OR2AE1: variants seen among roughly 807,000 people sequenced by gnomAD.
The protein encoded by OR2AE1 is olfactory receptor 2AE1.
For missense variants in OR2AE1, 400 were observed against 395.6 expected (o/e 1.01, Z -0.09); for synonymous variants, 159 against 153.6 (o/e 1.04, Z -0.26).
Position 99,876,888 on chromosome 7 carries a change from A to C in OR2AE1, c.146T>G (p.Ile49Ser). 1 of 1,614,104 alleles carries C rather than the reference A, an allele frequency of 6.2e-7. No homozygotes were observed. Among genetic ancestry groups the C allele is most frequent in the Non-Finnish European group, 8.5e-7 (1 of 1,180,004 alleles). ...TGTATGAAGCTGGGGATCAATGCAG[A>C]TGAGGAGAATGGTGAGGGTGTTGCC... is the stretch of plus-strand genomic sequence containing the variant. ...VSGNTLTILL[I>S]CIDPQLHTPM... Residue 49 changes from isoleucine (I) to serine (S), a missense_variant, in exon 1 of 1, where the codon ATC (isoleucine) becomes AGC (serine). Ile to Ser is a moderately radical substitution (Grantham distance 142, BLOSUM62 -2). Coordinates refer to ENST00000316368, the MANE Select transcript of OR2AE1 (RefSeq NM_001005276.1).
Position 99,876,834 on chromosome 7 carries a change from G to A in OR2AE1, c.200C>T (p.Ser67Phe). ...GGAGACATGCATCAGATCCATGAGGGAGAGCTGGCTGAGCAGGAAATACAT... is the reference window on the plus strand; with the variant it reads ...GGAGACATGCATCAGATCCATGAGGAAGAGCTGGCTGAGCAGGAAATACAT... Reference protein sequence around the residue: ...TPMYFLLSQLSLMDLMHVSTI... With the variant: ...TPMYFLLSQLFLMDLMHVSTI... Residue 67 changes from serine to phenylalanine, a missense_variant, in exon 1 of 1, where the codon TCC becomes TTC. Transcript: ENST00000316368. 6 of 1,614,090 alleles carry A rather than the reference G, an allele frequency of 3.7e-6. No individual in the cohort carries two copies. Among genetic ancestry groups the A allele is most frequent in the Non-Finnish European group, 5.1e-6 (6 of 1,179,970 alleles).
rs535487871 is a variant in OR2AE1 at position 99,876,471 on chromosome 7, A to G, written c.563T>C (p.Val188Ala). 25 of 1,614,220 alleles carry G rather than the reference A, an allele frequency of 1.5e-5. No individual in the cohort carries two copies. The South Asian group carries it at 2.3e-4, about 15-fold the overall frequency. ...CTCATACACAGTGATGTCGCCACAT[A>G]CCAACTTCACAACAGCTGGGAACTC... ...YCEFPAVVKL[V>A]CGDITVYETT... Residue 188 changes from valine (V) to alanine (A), a missense_variant, in exon 1 of 1, where the codon GTA becomes GCA. Physicochemically the swap from Val to Ala is moderately conservative, Grantham distance 64. Coordinates refer to ENST00000316368, the MANE Select transcript of OR2AE1 (RefSeq NM_001005276.1).
In OR2AE1 at chr7:99,876,156, T is replaced by C. The variant is rs1818617656; in HGVS notation, c.878A>G (p.Asn293Ser). 1 of 1,614,192 alleles carries C rather than the reference T, an allele frequency of 6.2e-7. No individual in the cohort carries two copies. Among genetic ancestry groups the C allele is most frequent in the Middle Eastern group, 1.6e-4 (1 of 6,062 alleles). Residue 293 changes from asparagine (N) to serine (S), a missense_variant, in exon 1 of 1, where the codon AAT (asparagine) becomes AGT (serine). Physicochemically the swap from Asn to Ser is conservative, Grantham distance 46 (BLOSUM62 1). Transcript: ENST00000316368. ...TCTCAGAGCCTTAGCTACATCTTTATTCCGGAGAGTATAAATCAGAGAATT... is the reference window on the plus strand; with the variant it reads ...TCTCAGAGCCTTAGCTACATCTTTACTCCGGAGAGTATAAATCAGAGAATT... ...TLNSLIYTLR[N>S]KDVAKALRRV...
rs771096512 is a variant in OR2AE1 at position 99,876,852 on chromosome 7, A to C, written c.182T>G (p.Phe61Cys). The change falls in exon 1 of 1, where the codon TTC becomes TGC. Residue 61 changes from phenylalanine (F) to cysteine (C), a missense_variant. Transcript: ENST00000316368. Reference protein sequence around the residue: ...IDPQLHTPMYFLLSQLSLMDL... With the variant: ...IDPQLHTPMYCLLSQLSLMDL... ...CATGAGGGAGAGCTGGCTGAGCAGG[A>C]AATACATTGGTGTATGAAGCTGGGG... 6.2e-7 allele frequency: 1 copy of C among 1,614,112 alleles called. No homozygotes were observed. Among genetic ancestry groups the C allele is most frequent in the Non-Finnish European group, 8.5e-7 (1 of 1,179,986 alleles).
chr7:99,876,925 TAAGGAAGACCACCATGGTCAAGGAGAA>T lies in OR2AE1; in HGVS notation c.82_108del (p.Phe28_Leu36del). On this transcript the variant is annotated inframe_deletion, in exon 1 of 1. Coordinates refer to ENST00000316368, the MANE Select transcript of OR2AE1 (RefSeq NM_001005276.1). ...GTGAGGGTGTTGCCACTCACCGCAA[TAAGGAAGACCACCATGGTCAAGGAGAA>T]AAGGAAAAGGTGGGTAAGGGAGTCA... 6.2e-7 allele frequency: 1 copy of T among 1,613,952 alleles called. No homozygotes were observed. Among genetic ancestry groups the T allele is most frequent in the Non-Finnish European group, 8.5e-7 (1 of 1,179,974 alleles).
In OR2AE1 at chr7:99,876,213, G is replaced by A. The variant is rs767732738; in HGVS notation, c.821C>T (p.Ser274Phe). 7 of 1,614,194 alleles carry A rather than the reference G, an allele frequency of 4.3e-6. No individual in the cohort carries two copies. Among genetic ancestry groups the A allele is most frequent in the Non-Finnish European group, 5.9e-6 (7 of 1,180,024 alleles). ...QCTLLQNKVG[S>F]VFYSIITPTL... is the part of the protein sequence containing the mutation. ...GGGCGTAATGATGCTGTAGAACACA[G>A]AACCAACTTTGTTCTGCAATAGAGT... Residue 274 changes from serine to phenylalanine, a missense_variant, in exon 1 of 1, where the codon TCT becomes TTT. Physicochemically the swap from Ser to Phe is radical, Grantham distance 155. Coordinates refer to ENST00000316368, the MANE Select transcript of OR2AE1 (RefSeq NM_001005276.1).
At position 99,876,463 on chromosome 7, in the gene OR2AE1, C is replaced by G; in HGVS notation, c.571G>C (p.Asp191His). 6.2e-7 allele frequency: 1 copy of G among 1,614,146 alleles called. No homozygotes were observed. Among genetic ancestry groups the G allele is most frequent in the Non-Finnish European group, 8.5e-7 (1 of 1,180,020 alleles). Residue 191 changes from aspartate (D) to histidine (H), a missense_variant, in exon 1 of 1, where the codon GAC becomes CAC. Asp to His is a moderately conservative substitution (Grantham distance 81). Transcript: ENST00000316368. ...FPAVVKLVCGDITVYETTVYI... is the reference protein window; with the variant it reads ...FPAVVKLVCGHITVYETTVYI... ...ACTGTGGTCTCATACACAGTGATGT[C>G]GCCACATACCAACTTCACAACAGCT... is the stretch of plus-strand genomic sequence containing the variant.
Position 99,876,070 on chromosome 7 carries a change from G to T in OR2AE1, c.964C>A (p.Arg322=). 1.3e-6 allele frequency: 2 copies of T among 1,588,210 alleles called. No homozygotes were observed. Among genetic ancestry groups the T allele is most frequent in the Non-Finnish European group, 1.7e-6 (2 of 1,169,180 alleles). ...CIQRLQLWLP[R]V is the part of the protein sequence containing the mutation. ...GCTTATCCTATTCCACTCTACACTC[G>T]GGGCAACCACAATTGCAGTCGTTGA... The change falls in exon 1 of 1, where the codon CGA becomes AGA. Residue 322 remains arginine, a synonymous_variant. Transcript: ENST00000316368.
Position 99,876,894 on chromosome 7 carries a change from A to G in OR2AE1, c.140T>C (p.Leu47Pro), listed in dbSNP as rs776486113. 19 of 1,614,156 alleles carry G rather than the reference A, an allele frequency of 1.2e-5. No homozygotes were observed. The highest frequency in any genetic ancestry group is 8.3e-5 in the Admixed American group (5 of 60,016). Residue 47 changes from leucine (L) to proline (P), a missense_variant, in exon 1 of 1, where the codon CTC (leucine) becomes CCC (proline). Transcript: ENST00000316368. ...AAGCTGGGGATCAATGCAGATGAGG[A>G]GAATGGTGAGGGTGTTGCCACTCAC... is the stretch of plus-strand genomic sequence containing the variant. ...IAVSGNTLTI[L>P]LICIDPQLHT... is the part of the protein sequence containing the mutation.
In OR2AE1 at chr7:99,876,746, G is replaced by C. The variant is rs773225568; in HGVS notation, c.288C>G (p.Gly96=). The part of the protein sequence containing the change: ...LSGKKSISFV[G]CATQHFLYLC... The stretch of plus-strand genomic sequence containing the variant: ...AATAGAGGAAGTGCTGGGTTGCACA[G>C]CCCACAAAGGAGATAGATTTCTTGC... Residue 96 remains glycine (G), a synonymous_variant, in exon 1 of 1, where the codon GGC becomes GGG. Coordinates refer to ENST00000316368, the MANE Select transcript of OR2AE1 (RefSeq NM_001005276.1). 6.2e-7 allele frequency: 1 copy of C among 1,614,100 alleles called. No individual in the cohort carries two copies. Among genetic ancestry groups the C allele is most frequent in the Non-Finnish European group, 8.5e-7 (1 of 1,180,000 alleles).
Position 99,876,474 on chromosome 7 carries a change from A to G in OR2AE1, c.560T>C (p.Leu187Ser), listed in dbSNP as rs868278885. ...FYCEFPAVVK[L>S]VCGDITVYET... ...ATACACAGTGATGTCGCCACATACC[A>G]ACTTCACAACAGCTGGGAACTCACA... Residue 187 changes from leucine to serine, a missense_variant, in exon 1 of 1, where the codon TTG becomes TCG. Coordinates refer to ENST00000316368, the MANE Select transcript of OR2AE1 (RefSeq NM_001005276.1). 2.5e-6 allele frequency: 4 copies of G among 1,614,182 alleles called. No individual in the cohort carries two copies. The highest frequency in any genetic ancestry group is 1.7e-5 in the Admixed American group (1 of 60,028).
rs1395430515 is a variant in OR2AE1, at chr7:99,876,698, A to G, written c.336T>C (p.Cys112=). ...FLYLCLGGAE[C]FLLAVMSYDR... is the part of the protein sequence containing the mutation. ...CATAGGACATGACAGCTAAGAGAAA[A>G]CATTCAGCACCACCTAGACACAAAT... The change falls in exon 1 of 1, where the codon TGT becomes TGC. Residue 112 remains cysteine (C), a synonymous_variant. Transcript: ENST00000316368. The G allele has an allele frequency of 1.2e-6, 2 of 1,613,956 alleles. No homozygotes were observed. The highest frequency in any genetic ancestry group is 2.7e-5 in the African/African-American group (2 of 74,902).
At position 99,876,528 on chromosome 7, in the gene OR2AE1, C is replaced by T; in HGVS notation, c.506G>A (p.Cys169Tyr). The T allele has an allele frequency of 6.2e-7, 1 of 1,614,110 alleles. No individual in the cohort carries two copies. The highest frequency in any genetic ancestry group is 8.5e-7 in the Non-Finnish European group (1 of 1,180,024). ...HMAILMHFPF[C>Y]GPRKVYHFYC... is the part of the protein sequence containing the mutation. ...GAAGTGGTAGACTTTCCGAGGCCCACAGAAAGGGAAGTGCATCAAGATCGC... is the reference window on the plus strand; with the variant it reads ...GAAGTGGTAGACTTTCCGAGGCCCATAGAAAGGGAAGTGCATCAAGATCGC... Residue 169 changes from cysteine (C) to tyrosine (Y), a missense_variant, in exon 1 of 1, where the codon TGT becomes TAT. Cys to Tyr is a radical substitution (Grantham distance 194). Coordinates refer to ENST00000316368, the MANE Select transcript of OR2AE1 (RefSeq NM_001005276.1).
Position 99,876,411 on chromosome 7 carries a change from A to T in OR2AE1, c.623T>A (p.Leu208His). 6.2e-7 allele frequency: 1 copy of T among 1,613,808 alleles called. No individual in the cohort carries two copies. The highest frequency in any genetic ancestry group is 8.5e-7 in the Non-Finnish European group (1 of 1,179,760). ...TVYISSILLLLPIFLISTSYV... is the reference protein window; with the variant it reads ...TVYISSILLLHPIFLISTSYV... Reference sequence around the variant, plus strand: ...GGATGTAGAAATCAGGAAGATGGGGAGGAGGAGGAGAATGCTGCTGATGTA... The same window carrying T: ...GGATGTAGAAATCAGGAAGATGGGGTGGAGGAGGAGAATGCTGCTGATGTA... Residue 208 changes from leucine (L) to histidine (H), a missense_variant, in exon 1 of 1, where the codon CTC becomes CAC. Coordinates refer to ENST00000316368, the MANE Select transcript of OR2AE1 (RefSeq NM_001005276.1).
Position 99,876,186 on chromosome 7 carries a change from G to A in OR2AE1, c.848C>T (p.Thr283Ile). 3 of 1,614,214 alleles carry A rather than the reference G, an allele frequency of 1.9e-6. No individual in the cohort carries two copies. The South Asian group carries it at 3.3e-5, about 18-fold the overall frequency. ...GAGAGTATAAATCAGAGAATTCAAT[G>A]TGGGCGTAATGATGCTGTAGAACAC... ...GSVFYSIITP[T>I]LNSLIYTLRN... The change falls in exon 1 of 1, where the codon ACA (threonine) becomes ATA (isoleucine). Residue 283 changes from threonine to isoleucine, a missense_variant. Transcript: ENST00000316368.
rs200183500 is a variant in OR2AE1 at position 99,876,575 on chromosome 7, G to A, written c.459C>T (p.Ser153=). The A allele has an allele frequency of 2.9e-5, 46 of 1,613,970 alleles. No homozygotes were observed. The highest frequency in any genetic ancestry group is 3.3e-4 in the Middle Eastern group (2 of 6,062). The change falls in exon 1 of 1, where the codon TCC becomes TCT. Residue 153 remains serine (S), a synonymous_variant. Transcript: ENST00000316368. The stretch of plus-strand genomic sequence containing the variant: ...TCGCCATGTGAATTAGGGAGTTCAC[G>A]GATGCCCCCAACCATGACATGACAG... The part of the protein sequence containing the change: ...MMAVMSWLGA[S]VNSLIHMAIL...
chr7:99,876,688 C>G lies in OR2AE1; in HGVS notation c.346G>C (p.Ala116Pro). 1 of 1,614,086 alleles carries G rather than the reference C, an allele frequency of 6.2e-7. No homozygotes were observed. The highest frequency in any genetic ancestry group is 1.3e-5 in the African/African-American group (1 of 74,998). ...CLGGAECFLL[A>P]VMSYDRYVAI... is the part of the protein sequence containing the mutation. ...ACATAGCGGTCATAGGACATGACAG[C>G]TAAGAGAAAACATTCAGCACCACCT... Residue 116 changes from alanine (A) to proline (P), a missense_variant, in exon 1 of 1, where the codon GCT becomes CCT. By Grantham distance (27) the Ala-to-Pro change is conservative. Transcript: ENST00000316368.
rs139298936 is a variant in OR2AE1 at position 99,876,464 on chromosome 7, G to T, written c.570C>A (p.Gly190=). Residue 190 remains glycine (G), a synonymous_variant, in exon 1 of 1, where the codon GGC becomes GGA. Coordinates refer to ENST00000316368, the MANE Select transcript of OR2AE1 (RefSeq NM_001005276.1). The part of the protein sequence containing the change: ...EFPAVVKLVC[G]DITVYETTVY... ...CTGTGGTCTCATACACAGTGATGTC[G>T]CCACATACCAACTTCACAACAGCTG... 6.2e-7 allele frequency: 1 copy of T among 1,614,138 alleles called. No homozygotes were observed. The highest frequency in any genetic ancestry group is 1.1e-5 in the South Asian group (1 of 91,078).
In OR2AE1 at chr7:99,876,314, A is replaced by G. The variant is rs940379504; in HGVS notation, c.720T>C (p.Cys240=). The change falls in exon 1 of 1, where the codon TGT becomes TGC. Residue 240 remains cysteine (C), a synonymous_variant. Transcript: ENST00000316368. ...SGSKRNAFAT[C]GSHLTVVSLW... is the part of the protein sequence containing the mutation. ...GAGAAACCACCGTGAGGTGGGAGCC[A>G]CAAGTGGCAAAGGCATTTCTCTTGC... is the stretch of plus-strand genomic sequence containing the variant. 6.2e-7 allele frequency: 1 copy of G among 1,614,270 alleles called. No homozygotes were observed. Among genetic ancestry groups the G allele is most frequent in the Non-Finnish European group, 8.5e-7 (1 of 1,180,044 alleles).
Sources: gnomAD v4.1 joint callset for allele counts on GRCh38, gnomAD v4.1.1 for gene constraint, MANE v1.5 for transcripts, NCBI Gene and HGNC (gene_info 2026-07-23, HGNC 2026-07-21) for gene names.